The following IGF1R variants were observed in gnomAD, a reference collection of about 807,000 sequenced individuals.
IGF1R encodes insulin-like growth factor 1 receptor.
In IGF1R, 44 loss-of-function variants were observed where a neutral mutation model predicts 144.6. That is an observed-to-expected ratio of 0.30 (90% confidence interval 0.24 to 0.39). The LOEUF (loss-of-function observed/expected upper bound fraction) is 0.39. IGF1R is among the 10% of genes least tolerant of loss of function. The pLI is 1.00. For synonymous variants in IGF1R, 795 were observed against 722.8 expected, an observed-to-expected ratio of 1.10 and a Z score of -1.60; for missense variants, 1,355 against 1,833.7, an observed-to-expected ratio of 0.74 and a Z score of 4.77.
chr15:98,664,313 C>T (rs976201073), intron 1 of IGF1R, among the ~76,000 whole-genome samples: 23 of 152,056 alleles, frequency 1.5e-4, no homozygotes, highest in African/African-American at 5.6e-4. Context: ...TGCATTGTAC[C>T]GGGGCACGTT....
intron 2 of IGF1R, among the ~76,000 whole-genome samples, chr15:98,750,380 T>C (rs999915350): frequency 6.6e-6 from 1 of 152,222 alleles, no homozygotes; most frequent in African/African-American, 2.4e-5. Flanking sequence ...TGGATTTATC[T>C]AGTCCAGCTT....
chr15:98,811,727 C>T (rs1046664229), intron 2 of IGF1R, among the ~76,000 whole-genome samples: 4 of 151,920 alleles, frequency 2.6e-5, no homozygotes, highest in African/African-American at 9.7e-5. Flanking sequence ...GAGATCCAGA[C>T]CATCCTGGCT....
At chr15:98,672,917 T>A (rs8025323) in intron 1 of IGF1R, among the ~76,000 whole-genome samples, 1,953 of 152,306 alleles carry the variant, frequency 0.013, 45 homozygotes, top group African/African-American at 0.043. Flanking sequence ...ATGTCCAGCT[T>A]CCTCTGTGTA....
chr15:98,786,808 AC>A (rs2056008883), intron 2 of IGF1R, among the ~76,000 whole-genome samples: 1 of 152,162 alleles, frequency 6.6e-6, no homozygotes, highest in Non-Finnish European at 1.5e-5. Flanking sequence ...TGCCTGCATG[AC>A]TGTAGGACAG....
At chr15:98,725,774 T>A (rs929048612) in intron 2 of IGF1R, among the ~76,000 whole-genome samples, 1 of 152,208 alleles carries the variant, frequency 6.6e-6, no homozygotes, top group African/African-American at 2.4e-5. Flanking sequence ...TCCACATGGC[T>A]GGGGAGGCCT....
intron 2 of IGF1R, among the ~76,000 whole-genome samples, chr15:98,780,566 AAAAAAAAAAGAGAG>A (rs1484224771): frequency 3.3e-5 from 1 of 30,340 alleles, no homozygotes; most frequent in Non-Finnish European, 3.0e-4. Context: ...AAAAAAAAAA[AAAAAAAAAAGAGAG>A]AGAGAGTAAA....
At chr15:98,760,390 A>C (rs1369366754) in intron 2 of IGF1R, among the ~76,000 whole-genome samples, 1 of 152,196 alleles carries the variant, frequency 6.6e-6, no homozygotes, top group Admixed American at 6.5e-5. Context: ...AAATAAAGTA[A>C]TTACTATAGT....
chr15:98,675,767 GT>G lies in IGF1R; in HGVS notation c.94+26100del, dbSNP rs530780238. 5.8e-3 allele frequency among the ~76,000 whole-genome samples: 783 copies of G among 135,406 alleles called. 4 individuals carry two copies. The highest frequency in any genetic ancestry group is 0.02 in the African/African-American group (736 of 36,404). 88.8% of individuals were successfully genotyped at this position (135,406 alleles called of 152,430 possible). The stretch of plus-strand genomic sequence containing the variant: ...CGATTTAGTTTCCCCACATTGTGCT[GT>G]TTTTTTTCTTCACTGGATTATGTAA... On this transcript the variant is annotated intron_variant, in intron 1 of 20. Coordinates refer to ENST00000650285, the MANE Select transcript of IGF1R (RefSeq NM_000875.5).
intron 2 of IGF1R, among the ~76,000 whole-genome samples, chr15:98,833,390 C>T (rs1216546445): frequency 6.6e-6 from 1 of 152,192 alleles, no homozygotes; most frequent in Non-Finnish European, 1.5e-5. Context: ...AGGTAGACAC[C>T]TTCCTAATGT....
At chr15:98,847,210 C>G (rs1596354991) in intron 2 of IGF1R, among the ~76,000 whole-genome samples, 1 of 152,158 alleles carries the variant, frequency 6.6e-6, no homozygotes, top group Non-Finnish European at 1.5e-5. Context: ...CTCCTGACCT[C>G]AAGTGATCCT....
intron 13 of IGF1R, 79 bp downstream of exon 13, chr15:98,924,763 T>C: frequency 7.8e-7 from 1 of 1,279,464 alleles, no homozygotes; most frequent in East Asian, 2.3e-5. Context: ...CGAGTGTTCA[T>C]GGCTGTCTTA....
chr15:98,697,893 A>G (rs913326259), intron 1 of IGF1R, among the ~76,000 whole-genome samples: 1 of 151,042 alleles, frequency 6.6e-6, no homozygotes, highest in African/African-American at 2.4e-5. Context: ...GCCCGCCACC[A>G]TGCCTGGCTA....
At chr15:98,892,119 G>A (rs956109815) in intron 3 of IGF1R, among the ~76,000 whole-genome samples, 14 of 152,194 alleles carry the variant, frequency 9.2e-5, no homozygotes, top group Non-Finnish European at 1.8e-4. Flanking sequence ...GCAGCTCAGA[G>A]TAGGCAGTAG....
At chr15:98,844,725 A>C (rs1490322892) in intron 2 of IGF1R, among the ~76,000 whole-genome samples, 1 of 152,076 alleles carries the variant, frequency 6.6e-6, no homozygotes, top group Non-Finnish European at 1.5e-5. Flanking sequence ...AATTACCATA[A>C]ATGCTCCCTT....
chr15:98,672,972 T>C (rs908356605), intron 1 of IGF1R, among the ~76,000 whole-genome samples: 2 of 152,226 alleles, frequency 1.3e-5, no homozygotes, highest in African/African-American at 4.8e-5. Flanking sequence ...ATTGTAAGAC[T>C]GTCACATGGG....
At chr15:98,952,725 C>CTG (rs2016827232) in intron 20 of IGF1R, 1 of 152,194 alleles carries the variant, frequency 6.6e-6, no homozygotes, top group South Asian at 2.1e-4. Flanking sequence ...GACGCAGCCC[C>CTG]TGCCATGGGA....
chr15:98,689,214 A>G (rs973110434), intron 1 of IGF1R, among the ~76,000 whole-genome samples: 6 of 149,062 alleles, frequency 4.0e-5, no homozygotes, highest in African/African-American at 9.9e-5. Flanking sequence ...AAGGACAAGC[A>G]GCTTTGGACA....
At chr15:98,932,865 T>C (rs1322048437) in intron 15 of IGF1R, among the ~76,000 whole-genome samples, 1 of 152,220 alleles carries the variant, frequency 6.6e-6, no homozygotes, top group African/African-American at 2.4e-5. Context: ...AAGTTCATAT[T>C]GGACACCCCT....
chr15:98,899,712 G>A (rs2014381846), intron 5 of IGF1R, 91 bp downstream of exon 5: 2 of 1,326,304 alleles, frequency 1.5e-6, no homozygotes, highest in East Asian at 2.3e-5. Context: ...AGCCCTCCCT[G>A]CCTTGTTAAA....
Sources: gnomAD v4.1 joint callset for allele counts (sites outside exome capture counted in the v4.1 genomes callset) on GRCh38, gnomAD v4.1.1 for gene constraint, MANE v1.5 for transcripts, NCBI Gene and HGNC (gene_info 2026-07-23, HGNC 2026-07-21) for gene names.